Variants in HPGDS observed in about 807,000 individuals in gnomAD.
HPGDS encodes the protein GST class-sigma.
Under a neutral mutation model 23.1 loss-of-function variants are expected in HPGDS, and 26 were observed. The ratio of observed to expected loss-of-function variants is 1.13; its 90% CI spans 0.83 to 1.56. The LOEUF is 1.56. Among genes scored for constraint, HPGDS ranks in the 40% most tolerant of loss-of-function variants. The probability of loss-of-function intolerance (pLI) is 0.00; values close to 1 mark genes in which losing one functional copy is unlikely to be tolerated. For synonymous variants in HPGDS, 95 were observed against 77.9 expected (o/e 1.22, Z -1.16); for missense variants, 268 against 236.4 (o/e 1.13, Z -0.88).
chr4:94,326,038 T>G (rs906771021), intron 2 of HPGDS, among the ~76,000 whole-genome samples: 1 of 152,070 alleles, frequency 6.6e-6, no homozygotes, highest in East Asian at 1.9e-4. Flanking sequence ...CCTCTAAAAT[T>G]TCTGCTGAGA....
chr4:94,341,365 C>G (rs1388200764), intron 1 of HPGDS, among the ~76,000 whole-genome samples: 1 of 152,170 alleles, frequency 6.6e-6, no homozygotes, highest in African/African-American at 2.4e-5. Flanking sequence ...AAATTCTAGT[C>G]TCTGTGCCAG....
At chr4:94,300,276 A>G (rs1756015585) in intron 5 of HPGDS, among the ~76,000 whole-genome samples, 1 of 152,226 alleles carries the variant, frequency 6.6e-6, no homozygotes, top group Admixed American at 6.5e-5. Flanking sequence ...ATTGTATCAC[A>G]TAAAAAGAAT....
At chr4:94,340,319 T>TTTC (rs1721131497) in intron 1 of HPGDS, among the ~76,000 whole-genome samples, 2 of 16,348 alleles carry the variant, frequency 1.2e-4, no homozygotes, top group Non-Finnish European at 2.3e-4. Flanking sequence ...CTCTTTTTTT[T>TTTC]TTTTTTTTTT....
intron 3 of HPGDS, among the ~76,000 whole-genome samples, chr4:94,314,146 G>A (rs897905480): frequency 1.3e-5 from 2 of 152,222 alleles, no homozygotes; most frequent in Non-Finnish European, 2.9e-5. Flanking sequence ...ACTCATCAAA[G>A]TCATTCTCTG....
In HPGDS at chr4:94,308,630, T is replaced by A; in HGVS notation, c.336+4A>T. 6.6e-7 allele frequency: 1 copy of A among 1,512,836 alleles called. No homozygotes were observed. Among genetic ancestry groups the A allele is most frequent in the African/African-American group, 1.4e-5 (1 of 72,738 alleles). The allele number at this position is 1,512,836 out of a possible 1,614,324, so 93.7% of individuals were successfully genotyped here. ...TACTAGGAATAGCAAATGGATCACATTACTTTCACATCTTGCTTTTTCTCT... is the reference window on the plus strand; with the variant it reads ...TACTAGGAATAGCAAATGGATCACAATACTTTCACATCTTGCTTTTTCTCT... On this transcript the variant is annotated splice_donor_region_variant and intron_variant, in intron 4 of 5. Coordinates refer to ENST00000295256, the MANE Select transcript of HPGDS (RefSeq NM_014485.3).
chr4:94,326,516 A>C (rs1040053750), intron 2 of HPGDS, among the ~76,000 whole-genome samples: 1 of 152,026 alleles, frequency 6.6e-6, no homozygotes, highest in South Asian at 2.1e-4. Flanking sequence ...TGTATTTTTT[A>C]AATTTCATTC....
intron 3 of HPGDS, among the ~76,000 whole-genome samples, chr4:94,314,650 C>G (rs1756356680): frequency 6.6e-6 from 1 of 152,174 alleles, no homozygotes; most frequent in Non-Finnish European, 1.5e-5. Flanking sequence ...GGGTAAACCA[C>G]TATGGTCTCC....
At chr4:94,330,858 C>T (rs370735196) in intron 2 of HPGDS, among the ~76,000 whole-genome samples, 6 of 152,180 alleles carry the variant, frequency 3.9e-5, no homozygotes, top group Admixed American at 6.5e-5. Flanking sequence ...AAACTTCAGC[C>T]GAATTAAATT....
At chr4:94,341,675 A>G (rs186219677) in intron 1 of HPGDS, among the ~76,000 whole-genome samples, 210 of 152,324 alleles carry the variant, frequency 1.4e-3, no homozygotes, top group African/African-American at 4.7e-3. Context: ...TAATTGCGCA[A>G]TAATCTGAGT....
At chr4:94,314,840 G>A (rs1756362333) in intron 3 of HPGDS, among the ~76,000 whole-genome samples, 1 of 152,166 alleles carries the variant, frequency 6.6e-6, no homozygotes, top group South Asian at 2.1e-4. Context: ...CAGCAATGGT[G>A]GGCACCCCTC....
chr4:94,302,072 T>C, intron 5 of HPGDS, 74 bp downstream of exon 5: 4 of 1,098,014 alleles, frequency 3.6e-6, no homozygotes, highest in South Asian at 3.1e-5. Context: ...TAACTTTTTT[T>C]CAGTAAGTTT....
chr4:94,316,956 G>T (rs944772048), intron 3 of HPGDS, among the ~76,000 whole-genome samples: 1 of 152,092 alleles, frequency 6.6e-6, no homozygotes, highest in African/African-American at 2.4e-5. Context: ...TAATTTCCCT[G>T]GTCATAAATA....
intron 5 of HPGDS, 78 bp downstream of exon 5, chr4:94,302,068 T>C (rs1195893018): frequency 2.8e-6 from 3 of 1,057,278 alleles, no homozygotes; most frequent in Non-Finnish European, 4.2e-6. Flanking sequence ...TAGGTAACTT[T>C]TTTTCAGTAA....
intron 5 of HPGDS, 63 bp downstream of exon 5, chr4:94,302,083 T>A: frequency 8.0e-7 from 1 of 1,257,118 alleles, no homozygotes; most frequent in Non-Finnish European, 1.1e-6. Context: ...CAGTAAGTTT[T>A]TATACTTCTA....
rs1756058876 is a variant in HPGDS, at chr4:94,302,337, A to C, written c.337-93T>G. 7.2e-6 allele frequency: 6 copies of C among 831,854 alleles called. No homozygotes were observed. The Admixed American group carries it at 1.4e-4, about 19-fold the overall frequency. The allele number at this position is 831,854 out of a possible 1,614,324, so 51.5% of individuals were successfully genotyped here. On this transcript the variant is annotated intron_variant, in intron 4 of 5. Coordinates refer to ENST00000295256, the MANE Select transcript of HPGDS (RefSeq NM_014485.3). ...TAGATTTCTCCATCTTTATTCTCCC[A>C]CATGAATTCAAGAAGAAAGAGAAGT...
At chr4:94,332,984 GA>G (rs1346427763) in intron 2 of HPGDS, among the ~76,000 whole-genome samples, 1 of 152,036 alleles carries the variant, frequency 6.6e-6, no homozygotes, top group Non-Finnish European at 1.5e-5. Flanking sequence ...TTAAAGGAGA[GA>G]AAAAACGTTT....
chr4:94,333,229 C>G (rs1225047209), intron 2 of HPGDS, among the ~76,000 whole-genome samples: 1 of 152,168 alleles, frequency 6.6e-6, no homozygotes, highest in Non-Finnish European at 1.5e-5. Flanking sequence ...TCTTTCCTTT[C>G]TTCTTAGAGT....
chr4:94,321,116 G>T (rs983205368), intron 2 of HPGDS, among the ~76,000 whole-genome samples: 2 of 151,732 alleles, frequency 1.3e-5, no homozygotes, highest in Non-Finnish European at 2.9e-5. Flanking sequence ...TGTTCCATTG[G>T]TCTATATCTC....
At chr4:94,302,041 A>G (rs770687863) in intron 5 of HPGDS, 105 bp downstream of exon 5, 4 of 602,354 alleles carry the variant, frequency 6.6e-6, no homozygotes, top group Non-Finnish European at 1.2e-5. Context: ...CTTGCTGTAA[A>G]TTCTATCCCC....
Sources: allele counts gnomAD v4.1 joint callset (sites outside exome capture counted in the v4.1 genomes callset), GRCh38; gene constraint gnomAD v4.1.1; transcripts MANE v1.5; gene names NCBI Gene and HGNC (gene_info 2026-07-23, HGNC 2026-07-21).